Variants in ANKRD30A observed in about 807,000 individuals in gnomAD.
The protein encoded by ANKRD30A is ankyrin repeat domain 30A, also known as ankyrin repeat domain-containing protein 30A.
In ANKRD30A, 170 loss-of-function variants were observed where a neutral mutation model predicts 166.3. The ratio of observed to expected loss-of-function variants is 1.02; its 90% CI spans 0.90 to 1.16. The LOEUF (loss-of-function observed/expected upper bound fraction) is 1.16. ANKRD30A is among the 50% of genes most tolerant of loss of function. The pLI is 0.00. For synonymous variants in ANKRD30A, 564 were observed against 508.9 expected (o/e 1.11, Z -1.46); for missense variants, 1,630 against 1,518.0 (o/e 1.07, Z -1.23).
chr10:37,130,090 C>T lies in ANKRD30A; in HGVS notation c.336+83C>T, dbSNP rs555401398. On this transcript the variant is annotated intron_variant, in intron 2 of 35. Transcript: ENST00000361713. ...AAAATGAATTTATCTCATTGAAATA[C>T]AACTAGTTTTGAAACCTGTGGAATA... 678 of 1,199,514 alleles carry T rather than the reference C, an allele frequency of 5.7e-4. 2 individuals are homozygous for T. The highest frequency in any genetic ancestry group is 9.7e-4 in the South Asian group (31 of 31,956). The allele number at this position is 1,199,514 out of a possible 1,614,324, so 74.3% of individuals were successfully genotyped here.
the ANKRD30A span, among the ~76,000 whole-genome samples, chr10:37,238,316 A>G: frequency 1.3e-5 from 2 of 152,132 alleles, no homozygotes; most frequent in African/African-American, 4.8e-5. Context: ...AGCTCCTTCT[A>G]CCATTTATTT....
At chr10:37,137,581 C>T (rs541588567) in intron 6 of ANKRD30A, among the ~76,000 whole-genome samples, 14 of 152,290 alleles carry the variant, frequency 9.2e-5, no homozygotes, top group South Asian at 2.1e-4. Context: ...GATTATATCC[C>T]GAGCATGGCT....
chr10:37,211,482 CATAGT>C (rs1259528465), intron 31 of ANKRD30A, among the ~76,000 whole-genome samples: 2 of 152,124 alleles, frequency 1.3e-5, no homozygotes, highest in Non-Finnish European at 2.9e-5. Context: ...TTTATGGCTG[CATAGT>C]ATTCCATGGT....
chr10:37,193,268 G>A lies in ANKRD30A; in HGVS notation c.2614+10G>A, dbSNP rs1840754920. The A allele has an allele frequency of 6.2e-7, 1 of 1,604,432 alleles. No homozygotes were observed. Among genetic ancestry groups the A allele is most frequent in the Non-Finnish European group, 8.5e-7 (1 of 1,176,426 alleles). On this transcript the variant is annotated intron_variant, in intron 27 of 35. Transcript: ENST00000361713. ...CAAACTTTCAAAGCAGGTAAATTTTGTAATTTTAATTTTACTCTGGAAAGA... is the reference window on the plus strand; with the variant it reads ...CAAACTTTCAAAGCAGGTAAATTTTATAATTTTAATTTTACTCTGGAAAGA...
intron 29 of ANKRD30A, among the ~76,000 whole-genome samples, 186 bp downstream of exon 29, chr10:37,197,666 T>C (rs563599651): frequency 3.3e-5 from 5 of 152,084 alleles, no homozygotes; most frequent in African/African-American, 7.2e-5. Context: ...ATATTTTTTT[T>C]AAAAAATGTA....
intron 21 of ANKRD30A, among the ~76,000 whole-genome samples, chr10:37,171,549 C>T (rs369727335): frequency 7.9e-5 from 12 of 151,710 alleles, no homozygotes; most frequent in East Asian, 1.9e-4. Flanking sequence ...TTATGGCCCC[C>T]GGTGTATTTG....
chr10:37,165,436 T>G (rs1839247243), intron 18 of ANKRD30A, among the ~76,000 whole-genome samples: 1 of 152,212 alleles, frequency 6.6e-6, no homozygotes, highest in African/African-American at 2.4e-5. Context: ...CTGGAGTACG[T>G]TTGTCTAAAA....
chr10:37,127,860 A>G (rs1323270094), intron 1 of ANKRD30A, among the ~76,000 whole-genome samples: 1 of 152,146 alleles, frequency 6.6e-6, no homozygotes, highest in Non-Finnish European at 1.5e-5. Flanking sequence ...TAAGTACCAT[A>G]TTTAAAAAAT....
At chr10:37,241,247 A>T in the ANKRD30A span, 1 of 151,584 alleles carries the variant, frequency 6.6e-6, no homozygotes, top group Non-Finnish European at 1.5e-5. Context: ...CTAAAAGATG[A>T]AGTTAGTAAA....
chr10:37,156,766 G>A (rs1838414446), intron 13 of ANKRD30A, among the ~76,000 whole-genome samples: 2 of 152,250 alleles, frequency 1.3e-5, no homozygotes, highest in Admixed American at 6.5e-5. Flanking sequence ...GGTTTCTTCA[G>A]TGCTTCAGAA....
the ANKRD30A span, among the ~76,000 whole-genome samples, chr10:37,255,654 C>T: frequency 3.3e-5 from 5 of 152,102 alleles, no homozygotes; most frequent in African/African-American, 4.8e-5. Context: ...CCTTTCCTCC[C>T]GAGCTCCTGA....
At chr10:37,179,013 AATATATATATATATAT>A (rs139390228) in intron 24 of ANKRD30A, among the ~76,000 whole-genome samples, 1,684 of 116,792 alleles carry the variant, frequency 0.014, 12 homozygotes, top group African/African-American at 0.04. Context: ...TGAGGCGTCA[AATATATATATATATAT>A]ATATATATAT....
At chr10:37,224,660 C>T (rs979156743) in intron 34 of ANKRD30A, among the ~76,000 whole-genome samples, 4 of 151,398 alleles carry the variant, frequency 2.6e-5, no homozygotes, top group Non-Finnish European at 5.9e-5. Flanking sequence ...TTAATTTGTT[C>T]TCTGATTCCA....
chr10:37,147,864 A>G (rs1343243402), intron 9 of ANKRD30A, among the ~76,000 whole-genome samples: 3 of 152,210 alleles, frequency 2.0e-5, no homozygotes, highest in African/African-American at 7.2e-5. Context: ...TGGCAAGAAT[A>G]TAAAATGATC....
rs1199217835 is a variant in ANKRD30A, at chr10:37,179,646, G to A, written c.2421+3428G>A. ...TCTACATTCAGCTGAACTCTTATCCGAACTGTGTGGCTTCTCAATGACAGG... is the reference window on the plus strand; with the variant it reads ...TCTACATTCAGCTGAACTCTTATCCAAACTGTGTGGCTTCTCAATGACAGG... On this transcript the variant is annotated intron_variant, in intron 24 of 35. Coordinates refer to ENST00000361713, the MANE Select transcript of ANKRD30A (RefSeq NM_052997.3). 1.1e-3 allele frequency among the ~76,000 whole-genome samples: 157 copies of A among 145,840 alleles called. 3 individuals are homozygous for A. Among genetic ancestry groups the A allele is most frequent in the African/African-American group, 2.3e-3 (92 of 39,932 alleles).
chr10:37,136,829 G>A (rs371108448), intron 6 of ANKRD30A, among the ~76,000 whole-genome samples, 158 bp downstream of exon 6: 3 of 93,390 alleles, frequency 3.2e-5, no homozygotes, highest in Non-Finnish European at 4.9e-5. Context: ...GTGTGTGTGT[G>A]TGTATATATA....
rs781300234 is a variant in ANKRD30A, at chr10:37,219,561, T to C, written c.3849T>C (p.His1283=). 5 of 1,610,294 alleles carry C rather than the reference T, an allele frequency of 3.1e-6. No individual in the cohort carries two copies. Among genetic ancestry groups the C allele is most frequent in the East Asian group, 4.5e-5 (2 of 44,664 alleles). ...ALRENTLVSE[H]AQRDQRETQC... ...GAGAAAATACATTGGTTTCAGAACA[T>C]GCACAAAGAGACCAACGTGAAACAC... Residue 1283 remains histidine, a synonymous_variant, in exon 34 of 36, where the codon CAT becomes CAC. Transcript: ENST00000361713.
Position 37,140,936 on chromosome 10 carries a change from T to C in ANKRD30A, c.821-782T>C, listed in dbSNP as rs1470967881. On this transcript the variant is annotated intron_variant, in intron 6 of 35. Transcript: ENST00000361713. ...TCATAAAACAGTAGAGCTGTCCTTA[T>C]TGAATTTCTGCATTTTTCCAACAGA... is the stretch of plus-strand genomic sequence containing the variant. Among the ~76,000 whole-genome samples the C allele has an allele frequency of 2.6e-5, 4 of 151,692 alleles. No individual in the cohort carries two copies. In the East Asian group the frequency reaches 7.8e-4, roughly 29 times the overall value.
intron 1 of ANKRD30A, among the ~76,000 whole-genome samples, chr10:37,129,461 A>C (rs926328572): frequency 1.3e-5 from 2 of 152,222 alleles, no homozygotes; most frequent in African/African-American, 4.8e-5. Flanking sequence ...AGTAATAATT[A>C]TAATACCTAA....
Sources: gnomAD v4.1 joint callset for allele counts (sites outside exome capture counted in the v4.1 genomes callset) on GRCh38, gnomAD v4.1.1 for gene constraint, MANE v1.5 for transcripts, NCBI Gene and HGNC (gene_info 2026-07-23, HGNC 2026-07-21) for gene names.